ARHGAP22: variants seen among roughly 807,000 people sequenced by gnomAD.
ARHGAP22 encodes the protein Rho GTPase activating protein 22, also known as rho GTPase-activating protein 22.
ARHGAP22 carries 48 observed loss-of-function variants against 59.1 expected under a neutral mutation model. The ratio of observed to expected loss-of-function variants is 0.81; its 90% CI spans 0.64 to 1.03. The LOEUF (loss-of-function observed/expected upper bound fraction) is 1.03. ARHGAP22 is among the 50% of genes least tolerant of loss of function. The pLI, the probability that ARHGAP22 is intolerant of heterozygous loss-of-function variation, is 0.00. For missense variants in ARHGAP22, 1,015 were observed against 958.7 expected, an observed-to-expected ratio of 1.06 and a Z score of -0.78; for synonymous variants, 445 against 416.4, an observed-to-expected ratio of 1.07 and a Z score of -0.84.
chr10:48,536,510 G>T (rs559096822), intron 3 of ARHGAP22, among the ~76,000 whole-genome samples: 3 of 152,284 alleles, frequency 2.0e-5, no homozygotes, highest in African/African-American at 7.2e-5. Context: ...TAGTTACTCA[G>T]TACCAAGTTG....
At chr10:48,518,767 A>C (rs1349572103) in intron 3 of ARHGAP22, among the ~76,000 whole-genome samples, 1 of 152,212 alleles carries the variant, frequency 6.6e-6, no homozygotes, top group Non-Finnish European at 1.5e-5. Context: ...AGGAGGGTCC[A>C]TGTGGGAGGC....
chr10:48,609,682 C>A (rs1214561383), upstream of ARHGAP22, among the ~76,000 whole-genome samples: 1 of 152,170 alleles, frequency 6.6e-6, no homozygotes. Context: ...TCCCTCTGGA[C>A]CTTGTTCCAG....
At chr10:48,431,219 T>C in the ARHGAP22 span, 1 of 1,611,804 alleles carries the variant, frequency 6.2e-7, no homozygotes, top group Admixed American at 1.7e-5. Flanking sequence ...AGTTATGGAC[T>C]TGGAGGAGAG....
intron 3 of ARHGAP22, among the ~76,000 whole-genome samples, chr10:48,492,101 C>T (rs2050456661): frequency 6.6e-6 from 1 of 152,084 alleles, no homozygotes; most frequent in South Asian, 2.1e-4. Context: ...TCCATATAAA[C>T]ATTTTCATAA....
intron 3 of ARHGAP22, 77 bp from the exon 4 acceptor site, chr10:48,479,841 T>C: frequency 7.2e-7 from 1 of 1,387,482 alleles, no homozygotes. Flanking sequence ...CTAGTCAGCA[T>C]TACTCCCTGT....
At chr10:48,449,268 C>A (rs1016656842) in intron 9 of ARHGAP22, among the ~76,000 whole-genome samples, 2 of 152,222 alleles carry the variant, frequency 1.3e-5, no homozygotes, top group Non-Finnish European at 2.9e-5. Flanking sequence ...CCTATGGGTC[C>A]TTCCAGCCCT....
At chr10:48,537,330 C>T (rs1323272939) in intron 3 of ARHGAP22, among the ~76,000 whole-genome samples, 1 of 152,196 alleles carries the variant, frequency 6.6e-6, no homozygotes, top group Non-Finnish European at 1.5e-5. Flanking sequence ...TGGACCAGAG[C>T]CCCTTCCTGG....
intron 3 of ARHGAP22, among the ~76,000 whole-genome samples, chr10:48,538,058 G>A (rs889001139): frequency 6.6e-6 from 1 of 152,212 alleles, no homozygotes; most frequent in Non-Finnish European, 1.5e-5. Context: ...CAAACTGGGT[G>A]GCTTAAAACA....
chr10:48,439,365 G>C, the ARHGAP22 span: 2 of 151,258 alleles, frequency 1.3e-5, no homozygotes, highest in Non-Finnish European at 2.9e-5. Flanking sequence ...ATGAAATTAA[G>C]AGTTTTTTCA....
chr10:48,462,115 G>A (rs1348531243), intron 4 of ARHGAP22, among the ~76,000 whole-genome samples: 2 of 152,202 alleles, frequency 1.3e-5, no homozygotes, highest in South Asian at 2.1e-4. Flanking sequence ...GGAGAAGTGT[G>A]TACGCACATG....
intron 1 of ARHGAP22, among the ~76,000 whole-genome samples, chr10:48,641,712 C>T (rs1484200858): frequency 2.0e-5 from 3 of 152,178 alleles, no homozygotes; most frequent in African/African-American, 4.8e-5. Flanking sequence ...TCTCACCACT[C>T]CTATTCAACA....
chr10:48,622,925 C>CTCCT (rs1477608487), intron 1 of ARHGAP22, among the ~76,000 whole-genome samples: 1 of 152,222 alleles, frequency 6.6e-6, no homozygotes, highest in African/African-American at 2.4e-5. Flanking sequence ...TGCAGGCAGG[C>CTCCT]TCCTCATCAC....
intron 8 of ARHGAP22, among the ~76,000 whole-genome samples, chr10:48,452,063 T>C (rs1283432335): frequency 6.6e-6 from 1 of 151,314 alleles, no homozygotes; most frequent in African/African-American, 2.4e-5. Flanking sequence ...GAATCCCACA[T>C]ACATATAATC....
chr10:48,448,833 C>T (rs935417345), intron 9 of ARHGAP22, among the ~76,000 whole-genome samples: 2 of 152,218 alleles, frequency 1.3e-5, no homozygotes, highest in Admixed American at 6.5e-5. Flanking sequence ...ATCTTACCTC[C>T]AGCCACCAGG....
At position 48,599,019 on chromosome 10, in the gene ARHGAP22, G is replaced by A. The variant is rs553639890; in HGVS notation, c.34+5744C>T. Among the ~76,000 whole-genome samples the A allele has an allele frequency of 4.8e-4, 73 of 152,244 alleles. 1 individual carries two copies. In the South Asian group the frequency reaches 0.015, roughly 31 times the overall value. On this transcript the variant is annotated intron_variant, in intron 1 of 9. Transcript: ENST00000249601. The stretch of plus-strand genomic sequence containing the variant: ...TTTCTGGGACTCAATTTCCTTATCC[G>A]AAAAATGGGGCAATAGTGGTCTTTT...
chr10:48,596,036 T>C lies in ARHGAP22; in HGVS notation c.34+8727A>G, dbSNP rs1564964329. On this transcript the variant is annotated intron_variant, in intron 1 of 9. Transcript: ENST00000249601. The stretch of plus-strand genomic sequence containing the variant: ...AGATTAGAGAGTTTGGATTTTTTTT[T>C]CATAGTGAATACTTTAATGATTTAA... 3.3e-5 allele frequency among the ~76,000 whole-genome samples: 5 copies of C among 150,474 alleles called. No homozygotes were observed. The South Asian group carries it at 1.1e-3, about 32-fold the overall frequency.
chr10:48,539,581 A>G (rs4838618), intron 3 of ARHGAP22, among the ~76,000 whole-genome samples: 91,437 of 151,836 alleles, frequency 0.6, 29,581 homozygotes, highest in East Asian at 0.99. Context: ...GTGAGCCACC[A>G]CGCCCGGCCA....
intron 3 of ARHGAP22, among the ~76,000 whole-genome samples, chr10:48,484,967 T>G (rs78014977): frequency 0.019 from 2,831 of 152,350 alleles, 93 homozygotes; most frequent in African/African-American, 0.064. Flanking sequence ...TTTAAAGGAC[T>G]AGATGGCAAA....
chr10:48,604,062 A>T (rs1165387036), intron 1 of ARHGAP22, among the ~76,000 whole-genome samples: 4 of 152,246 alleles, frequency 2.6e-5, no homozygotes. Flanking sequence ...TTCCGTGGCT[A>T]AGAAGTTGTT....
Sources: allele counts gnomAD v4.1 joint callset (sites outside exome capture counted in the v4.1 genomes callset), GRCh38; gene constraint gnomAD v4.1.1; transcripts MANE v1.5; gene names NCBI Gene and HGNC (gene_info 2026-07-23, HGNC 2026-07-21).